Variants in EIF3E observed in about 807,000 individuals in gnomAD.
EIF3E encodes eIF-3 p48.
In EIF3E, 25 loss-of-function variants were observed where a neutral mutation model predicts 59.3. That is an observed-to-expected ratio of 0.42 (90% CI 0.31 to 0.59). The LOEUF is 0.59. Among genes scored for constraint, EIF3E ranks in the 20% least tolerant of loss-of-function variants. EIF3E has a pLI of 0.15. For missense variants in EIF3E, 317 were observed against 534.3 expected, an observed-to-expected ratio of 0.59 and a Z score of 4.01; for synonymous variants, 176 against 170.2, an observed-to-expected ratio of 1.03 and a Z score of -0.26.
intron 5 of EIF3E, chr8:108,233,784 A>G: frequency 6.2e-6 from 1 of 162,412 alleles, no homozygotes. Context: ...GGCTGCAGTG[A>G]GCTATGATGG....
chr8:108,234,819 C>G (rs927415845), intron 5 of EIF3E, 179 bp downstream of exon 5: 2 of 385,920 alleles, frequency 5.2e-6, no homozygotes, highest in Non-Finnish European at 9.2e-6. Flanking sequence ...GGCCCTGAAA[C>G]AAGGTTTCTA....
At chr8:108,222,849 T>A (rs1148148) in intron 7 of EIF3E, among the ~76,000 whole-genome samples, 107,937 of 144,264 alleles carry the variant, frequency 0.75, 40,603 homozygotes, top group East Asian at 0.98. Flanking sequence ...TTTTTTTTTT[T>A]AAATAACAGA....
chr8:108,229,276 C>T, intron 5 of EIF3E, 81 bp from the exon 6 acceptor site: 1 of 1,371,778 alleles, frequency 7.3e-7, no homozygotes, highest in Non-Finnish European at 9.8e-7. Flanking sequence ...CCATGTATCC[C>T]TCTAGCCTAC....
intron 7 of EIF3E, among the ~76,000 whole-genome samples, chr8:108,219,979 C>T (rs1053375975): frequency 1.3e-5 from 2 of 152,032 alleles, no homozygotes; most frequent in African/African-American, 4.8e-5. Flanking sequence ...CCTGTCTCTA[C>T]TAAAAATACA....
At chr8:108,245,554 C>T (rs1466722245) in intron 1 of EIF3E, among the ~76,000 whole-genome samples, 1 of 151,920 alleles carries the variant, frequency 6.6e-6, no homozygotes, top group African/African-American at 2.4e-5. Context: ...TTTTCTAACC[C>T]GATGAGATTG....
chr8:108,201,249 T>TTATATATATATATATATATATATA lies in EIF3E; in HGVS notation c.*635_*636insTATATATATATATATATATATATA, dbSNP rs1351975862. ...CAATAAAAAAGGAATTAACTACTGA[T>TTATATATATATATATATATATATA]CATATATATATATATATCTATCTCT... On this transcript the variant is annotated 3_prime_UTR_variant, in exon 13 of 13. Transcript: ENST00000220849. 1.4e-5 allele frequency: 1 copy of TTATATATATATATATATATATATA among 72,038 alleles called. No individual in the cohort carries two copies. Among genetic ancestry groups the TTATATATATATATATATATATATA allele is most frequent in the Non-Finnish European group, 2.7e-5 (1 of 36,400 alleles). 4.5% of individuals were successfully genotyped at this position (72,038 alleles called of 1,614,324 possible).
At chr8:108,215,177 A>G (rs609102) in intron 9 of EIF3E, among the ~76,000 whole-genome samples, 79,559 of 151,690 alleles carry the variant, frequency 0.52, 21,289 homozygotes, top group African/African-American at 0.66. Flanking sequence ...GCAACCAAGT[A>G]CCCTCTAGGT....
intron 4 of EIF3E, among the ~76,000 whole-genome samples, 187 bp from the exon 5 acceptor site, chr8:108,235,289 T>C (rs1476182191): frequency 6.6e-6 from 1 of 152,176 alleles, no homozygotes; most frequent in African/African-American, 2.4e-5. Context: ...GAGACTTTTA[T>C]AGAACTGACC....
At chr8:108,218,919 A>T (rs1050063129) in intron 7 of EIF3E, among the ~76,000 whole-genome samples, 20 of 151,210 alleles carry the variant, frequency 1.3e-4, no homozygotes, top group East Asian at 3.9e-4. Context: ...GAGTAGTTGG[A>T]ACTACAGGTG....
At chr8:108,235,793 A>G (rs1294984776) in intron 4 of EIF3E, among the ~76,000 whole-genome samples, 1 of 152,242 alleles carries the variant, frequency 6.6e-6, no homozygotes, top group African/African-American at 2.4e-5. Flanking sequence ...TTTCTAATTC[A>G]AATTTAATTC....
chr8:108,242,471 A>G (rs548101142), intron 1 of EIF3E: 289 of 1,281,780 alleles, frequency 2.3e-4, no homozygotes, highest in Non-Finnish European at 2.9e-4. Flanking sequence ...TCACAACAAC[A>G]TGAAGTGTAC....
chr8:108,204,742 TATATAGAG>T (rs1348952411), intron 10 of EIF3E, among the ~76,000 whole-genome samples: 1 of 103,814 alleles, frequency 9.6e-6, no homozygotes, highest in African/African-American at 4.2e-5. Flanking sequence ...TATATATATA[TATATAGAG>T]AGAGAGAGAG....
intron 5 of EIF3E, 131 bp downstream of exon 5, chr8:108,234,867 T>C (rs1369660506): frequency 1.1e-5 from 5 of 469,780 alleles, no homozygotes; most frequent in Non-Finnish European, 1.8e-5. Context: ...CTTTACTTTT[T>C]TCTCTTTTGC....
At chr8:108,205,769 G>A (rs1291277452) in intron 10 of EIF3E, among the ~76,000 whole-genome samples, 3 of 114,376 alleles carry the variant, frequency 2.6e-5, no homozygotes, top group African/African-American at 1.2e-4. Flanking sequence ...CAGAGCTTAT[G>A]TTCAAGGAAC....
intron 1 of EIF3E, chr8:108,242,197 A>G (rs1358226108): frequency 7.6e-7 from 1 of 1,322,598 alleles, no homozygotes; most frequent in Admixed American, 2.2e-5. Context: ...GTGTCCCTAC[A>G]AACCATCTCT....
At chr8:108,209,015 C>A (rs1174617591) in intron 10 of EIF3E, among the ~76,000 whole-genome samples, 1 of 152,060 alleles carries the variant, frequency 6.6e-6, no homozygotes, top group Non-Finnish European at 1.5e-5. Flanking sequence ...TCTTAATATG[C>A]ATTTTTATAA....
intron 1 of EIF3E, chr8:108,243,556 G>A (rs1463142087): frequency 6.7e-6 from 1 of 148,458 alleles, no homozygotes; most frequent in Non-Finnish European, 1.5e-5. Flanking sequence ...GTGAACCCAG[G>A]AGGTGGAACT....
At chr8:108,242,098 A>G (rs2129925772) in intron 1 of EIF3E, 185 bp from the exon 2 acceptor site, 1 of 1,461,342 alleles carries the variant, frequency 6.8e-7, no homozygotes. Flanking sequence ...TAGACGTAAA[A>G]GTATTTTACT....
At chr8:108,222,131 C>A (rs1401238274) in intron 7 of EIF3E, among the ~76,000 whole-genome samples, 1 of 151,738 alleles carries the variant, frequency 6.6e-6, no homozygotes, top group East Asian at 2.0e-4. Flanking sequence ...CAGCCTTTAA[C>A]TCCTGGACTC....
Sources: allele counts gnomAD v4.1 joint callset (sites outside exome capture counted in the v4.1 genomes callset), GRCh38; gene constraint gnomAD v4.1.1; transcripts MANE v1.5; gene names NCBI Gene and HGNC (gene_info 2026-07-23, HGNC 2026-07-21).